Variants in CTNNA2 observed in about 807,000 individuals in gnomAD.
The protein encoded by CTNNA2 is catenin alpha 2.
Under a neutral mutation model 101.0 loss-of-function variants are expected in CTNNA2, and 42 were observed. That is an observed-to-expected ratio of 0.42 (90% CI 0.32 to 0.54). The LOEUF (loss-of-function observed/expected upper bound fraction) is 0.54. CTNNA2 is among the 20% of genes least tolerant of loss of function. The probability of loss-of-function intolerance (pLI) is 0.14; values close to 1 mark genes in which losing one functional copy is unlikely to be tolerated. For synonymous variants in CTNNA2, 450 were observed against 456.4 expected (o/e 0.99, Z 0.18); for missense variants, 871 against 1,223.1 (o/e 0.71, Z 4.29).
At chr2:80,161,023 A>T (rs1704282238) in intron 7 of CTNNA2, among the ~76,000 whole-genome samples, 1 of 152,036 alleles carries the variant, frequency 6.6e-6, no homozygotes. Flanking sequence ...GCATCAATTG[A>T]TATCATTGTG....
At chr2:80,265,360 G>C (rs553818326) in intron 7 of CTNNA2, among the ~76,000 whole-genome samples, 1 of 152,276 alleles carries the variant, frequency 6.6e-6, no homozygotes, top group Non-Finnish European at 1.5e-5. Context: ...GGTTAGAGGA[G>C]AGTGGTTCTC....
chr2:79,396,542 A>G (rs1240537605), intron 4 of CTNNA2, among the ~76,000 whole-genome samples: 1 of 151,412 alleles, frequency 6.6e-6, no homozygotes, highest in East Asian at 1.9e-4. Context: ...TTTTGGACAC[A>G]GAAGATTAGG....
intron 3 of CTNNA2, among the ~76,000 whole-genome samples, chr2:79,854,468 T>TAAGC (rs1680972422): frequency 6.6e-6 from 1 of 152,218 alleles, no homozygotes; most frequent in Non-Finnish European, 1.5e-5. Flanking sequence ...AAAGGTTGAA[T>TAAGC]AAGCACTAGC....
At chr2:80,626,597 G>A (rs749574222) in intron 18 of CTNNA2, among the ~76,000 whole-genome samples, 1 of 151,806 alleles carries the variant, frequency 6.6e-6, no homozygotes, top group Non-Finnish European at 1.5e-5. Flanking sequence ...TAAAGAGAAG[G>A]GCAAATGAAT....
intron 4 of CTNNA2, among the ~76,000 whole-genome samples, chr2:79,447,830 A>T (rs957185867): frequency 1.3e-5 from 2 of 152,042 alleles, no homozygotes; most frequent in African/African-American, 4.8e-5. Flanking sequence ...TCCCATTACC[A>T]TATGGAAACT....
chr2:80,203,585 G>A (rs1707345413), intron 7 of CTNNA2, among the ~76,000 whole-genome samples: 1 of 152,188 alleles, frequency 6.6e-6, no homozygotes, highest in Non-Finnish European at 1.5e-5. Context: ...ATAGTCTTTG[G>A]CACCTCCACT....
intron 4 of CTNNA2, among the ~76,000 whole-genome samples, chr2:79,396,829 A>G (rs1278102609): frequency 6.6e-6 from 1 of 152,122 alleles, no homozygotes; most frequent in East Asian, 1.9e-4. Flanking sequence ...AAAAATAACA[A>G]TCTCTTTCCT....
rs574784277 is a variant in CTNNA2 at position 79,805,098 on chromosome 2, G to A, written c.299-52915G>A. Among the ~76,000 whole-genome samples the A allele has an allele frequency of 1.2e-4, 18 of 152,238 alleles. 1 individual carries two copies. The South Asian group carries it at 3.3e-3, about 28-fold the overall frequency. Reference sequence around the variant, plus strand: ...GTATACCTTAAGAAGAAGCTGGAAGGATAAGTTGTAGCTAGGAAAAGGCCT... The same window carrying A: ...GTATACCTTAAGAAGAAGCTGGAAGAATAAGTTGTAGCTAGGAAAAGGCCT... On this transcript the variant is annotated intron_variant, in intron 3 of 18. Coordinates refer to ENST00000402739, the MANE Select transcript of CTNNA2 (RefSeq NM_001282597.3).
At chr2:80,071,502 T>A (rs990987999) in intron 7 of CTNNA2, among the ~76,000 whole-genome samples, 1 of 152,202 alleles carries the variant, frequency 6.6e-6, no homozygotes, top group Admixed American at 6.5e-5. Flanking sequence ...TATTTAACCC[T>A]GGAGTGAATT....
intron 2 of CTNNA2, among the ~76,000 whole-genome samples, chr2:79,709,045 G>A (rs184356036): frequency 1.5e-3 from 232 of 152,290 alleles, no homozygotes; most frequent in Middle Eastern, 3.4e-3. Context: ...TAGGAGTCCA[G>A]AGTGGAATAA....
intron 9 of CTNNA2, among the ~76,000 whole-genome samples, chr2:80,510,101 T>C (rs1383909736): frequency 2.0e-5 from 3 of 152,226 alleles, no homozygotes; most frequent in African/African-American, 4.8e-5. Flanking sequence ...ACAACAGATA[T>C]TTAATAAAAC....
intron 15 of CTNNA2, among the ~76,000 whole-genome samples, chr2:80,590,659 A>C (rs772093274): frequency 6.6e-6 from 1 of 152,262 alleles, no homozygotes; most frequent in East Asian, 1.9e-4. Context: ...CCTCTGGCCA[A>C]TATGTACTAA....
At chr2:80,084,638 TAC>T (rs1381950088) in intron 7 of CTNNA2, among the ~76,000 whole-genome samples, 2 of 152,110 alleles carry the variant, frequency 1.3e-5, no homozygotes, top group African/African-American at 4.8e-5. Flanking sequence ...TCATGCTTTC[TAC>T]ACACCTCCAG....
chr2:80,507,179 A>G (rs567842008), intron 9 of CTNNA2, among the ~76,000 whole-genome samples: 2 of 152,188 alleles, frequency 1.3e-5, no homozygotes, highest in Non-Finnish European at 2.9e-5. Context: ...TAACAATAGT[A>G]TGTACCTCAT....
chr2:80,431,420 C>G (rs948667902), intron 9 of CTNNA2, among the ~76,000 whole-genome samples: 62 of 152,126 alleles, frequency 4.1e-4, no homozygotes, highest in Non-Finnish European at 7.6e-4. Context: ...TCTGGCTTGT[C>G]ACTATTTAGG....
chr2:79,672,951 G>T (rs1044619214), intron 2 of CTNNA2, among the ~76,000 whole-genome samples: 4 of 151,984 alleles, frequency 2.6e-5, no homozygotes, highest in Admixed American at 1.3e-4. Context: ...CAGGTGATCT[G>T]CCTGCCTCGG....
chr2:79,736,295 A>G (rs1190931512), intron 2 of CTNNA2, among the ~76,000 whole-genome samples: 1 of 151,922 alleles, frequency 6.6e-6, no homozygotes, highest in Non-Finnish European at 1.5e-5. Context: ...CTTTTTATAT[A>G]TTTTATGAGG....
At chr2:80,613,006 A>G (rs973211530) in intron 17 of CTNNA2, 1 of 151,520 alleles carries the variant, frequency 6.6e-6, no homozygotes, top group Admixed American at 6.6e-5. Flanking sequence ...TAGAGAGAGT[A>G]AGATAAAAAC....
chr2:80,024,549 C>T (rs966614297), intron 7 of CTNNA2, among the ~76,000 whole-genome samples: 1 of 152,190 alleles, frequency 6.6e-6, no homozygotes, highest in Admixed American at 6.5e-5. Flanking sequence ...AGCTCTGAAC[C>T]CCTCATGGGA....
Sources: gnomAD v4.1 joint callset for allele counts (sites outside exome capture counted in the v4.1 genomes callset) on GRCh38, gnomAD v4.1.1 for gene constraint, MANE v1.5 for transcripts, NCBI Gene and HGNC (gene_info 2026-07-23, HGNC 2026-07-21) for gene names.